Variants in ADAMTSL1 observed in about 807,000 individuals in gnomAD.
The protein encoded by ADAMTSL1 is ADAMTS-like protein 1.
A neutral mutation model predicts 201.8 loss-of-function variants in ADAMTSL1; 126 were observed. The ratio of observed to expected loss-of-function variants is 0.62; its 90% CI spans 0.54 to 0.72. The LOEUF (loss-of-function observed/expected upper bound fraction) is 0.72, where lower values mean the gene tolerates loss of function less well. Ranked by LOEUF, ADAMTSL1 falls within the 30% of genes least tolerant of loss-of-function variation. ADAMTSL1 has a pLI of 0.00. For synonymous variants in ADAMTSL1, 1,121 were observed against 903.4 expected (o/e 1.24, Z -4.32); for missense variants, 2,679 against 2,277.8 (o/e 1.18, Z -3.59).
chr9:18,098,032 A>AT lies in ADAMTSL1; in HGVS notation c.88-65822dup, dbSNP rs201890454. On this transcript the variant is annotated intron_variant, in intron 1 of 29. Coordinates refer to the ADAMTSL1 transcript ENST00000680146. ...CAATGTAAATTGGAGATCAAGGCTTATTTTTTTTCCAGATTGATATGCAGT... is the reference window on the plus strand; with the variant it reads ...CAATGTAAATTGGAGATCAAGGCTTATTTTTTTTTCCAGATTGATATGCAGT... Among the ~76,000 whole-genome samples, 1,492 of 151,732 alleles carry AT rather than the reference A, an allele frequency of 9.8e-3. 18 individuals are homozygous for AT. The highest frequency in any genetic ancestry group is 0.034 in the African/African-American group (1,426 of 41,450).
At chr9:18,620,448 T>C (rs1825971730) in intron 4 of ADAMTSL1, among the ~76,000 whole-genome samples, 1 of 152,140 alleles carries the variant, frequency 6.6e-6, no homozygotes. Context: ...ACCTAACCGG[T>C]TAAATGAATT....
At chr9:18,452,883 C>A (rs75842945) in intron 2 of ADAMTSL1, among the ~76,000 whole-genome samples, 12,000 of 152,304 alleles carry the variant, frequency 0.079, 644 homozygotes, top group Non-Finnish European at 0.12. Context: ...GTTGGAGCCC[C>A]AGGCCTACAG....
At chr9:18,160,042 C>T (rs1037174056) in intron 1 of ADAMTSL1, among the ~76,000 whole-genome samples, 8 of 152,142 alleles carry the variant, frequency 5.3e-5, no homozygotes, top group Non-Finnish European at 1.2e-4. Flanking sequence ...ATTGATCAAT[C>T]AGTCCCATTC....
intron 1 of ADAMTSL1, among the ~76,000 whole-genome samples, chr9:17,935,218 G>C (rs576975210): frequency 6.6e-6 from 1 of 152,028 alleles, no homozygotes; most frequent in East Asian, 1.9e-4. Flanking sequence ...CCTCTTCCTG[G>C]AAGTCTTTGA....
rs895453595 is a variant in ADAMTSL1, at chr9:18,253,468, T to C, written c.207+89487T>C. ...AAGATAGTGTAAAAAACTAGGCCTA[T>C]ATTTCTTTTCTAAAAATAGAATGAA... On this transcript the variant is annotated intron_variant, in intron 2 of 29. Coordinates refer to the ADAMTSL1 transcript ENST00000680146. Among the ~76,000 whole-genome samples, 13 of 152,222 alleles carry C rather than the reference T, an allele frequency of 8.5e-5. 1 individual carries two copies. Among genetic ancestry groups the C allele is most frequent in the Admixed American group, 6.5e-4 (10 of 15,290 alleles).
intron 10 of ADAMTSL1, among the ~76,000 whole-genome samples, chr9:18,679,910 T>C (rs1307854107): frequency 6.6e-6 from 1 of 152,202 alleles, no homozygotes; most frequent in Non-Finnish European, 1.5e-5. Context: ...ACCATTAGTG[T>C]TAACTGAGTA....
chr9:18,109,398 G>T (rs187320687), intron 1 of ADAMTSL1, among the ~76,000 whole-genome samples: 1 of 152,098 alleles, frequency 6.6e-6, no homozygotes, highest in African/African-American at 2.4e-5. Flanking sequence ...GCTGACTGCA[G>T]TACTTCTGTG....
intron 2 of ADAMTSL1, among the ~76,000 whole-genome samples, chr9:18,520,821 A>C (rs1052370356): frequency 2.2e-4 from 33 of 152,358 alleles, no homozygotes; most frequent in South Asian, 1.0e-3. Flanking sequence ...TATTCAAAAA[A>C]AAAATTAATC....
chr9:17,993,314 A>G (rs1819240115), intron 1 of ADAMTSL1, among the ~76,000 whole-genome samples: 1 of 152,172 alleles, frequency 6.6e-6, no homozygotes, highest in African/African-American at 2.4e-5. Context: ...TTGATCATGA[A>G]TGTTTTTCTT....
chr9:17,950,456 G>A (rs1827689902), intron 1 of ADAMTSL1, among the ~76,000 whole-genome samples: 2 of 151,610 alleles, frequency 1.3e-5, no homozygotes, highest in African/African-American at 4.8e-5. Flanking sequence ...AATTTCATGA[G>A]TTTCCTTCCA....
chr9:18,761,674 T>C (rs35284815), intron 16 of ADAMTSL1, among the ~76,000 whole-genome samples: 24,240 of 152,212 alleles, frequency 0.16, 2,134 homozygotes, highest in East Asian at 0.2. Flanking sequence ...GCATAAGAAC[T>C]GTTGGCCTCA....
chr9:18,229,051 A>G (rs1332569778), intron 2 of ADAMTSL1, among the ~76,000 whole-genome samples: 1 of 152,086 alleles, frequency 6.6e-6, no homozygotes, highest in Non-Finnish European at 1.5e-5. Context: ...TAACATGGGT[A>G]ATTATATAGC....
intron 2 of ADAMTSL1, among the ~76,000 whole-genome samples, chr9:18,261,714 G>A (rs1039467816): frequency 1.2e-4 from 19 of 152,166 alleles, no homozygotes; most frequent in Admixed American, 1.0e-3. Flanking sequence ...TGTAGCTGCT[G>A]TGGGCTTACA....
intron 2 of ADAMTSL1, among the ~76,000 whole-genome samples, chr9:18,193,282 T>A (rs574640918): frequency 6.6e-6 from 1 of 152,076 alleles, no homozygotes; most frequent in East Asian, 1.9e-4. Context: ...GAGATCAACA[T>A]AGAATGCAAG....
At chr9:18,588,884 CATAT>C (rs754566534) in intron 4 of ADAMTSL1, among the ~76,000 whole-genome samples, 4 of 122,854 alleles carry the variant, frequency 3.3e-5, no homozygotes, top group South Asian at 2.6e-4. Flanking sequence ...TATACATATA[CATAT>C]ATATATATAT....
In ADAMTSL1 at chr9:18,770,645, T is replaced by C; in HGVS notation, c.2261T>C (p.Leu754Pro). The C allele has an allele frequency of 6.2e-7, 1 of 1,613,594 alleles. No individual in the cohort carries two copies. The highest frequency in any genetic ancestry group is 8.5e-7 in the Non-Finnish European group (1 of 1,179,798). The change falls in exon 17 of 29, where the codon CTT becomes CCT. Residue 754 changes from leucine to proline, a missense_variant. Coordinates refer to ENST00000380548, the MANE Select transcript of ADAMTSL1 (RefSeq NM_001040272.6). ...CGGGVQKREV[L>P]CKQRMADGSF... ...GGGGGTGTTCAGAAACGTGAGGTTC[T>C]TTGCAAGCAGCGCATGGCTGATGGC...
intron 2 of ADAMTSL1, among the ~76,000 whole-genome samples, chr9:18,198,300 C>A (rs1270845920): frequency 6.7e-6 from 1 of 149,448 alleles, no homozygotes; most frequent in African/African-American, 2.5e-5. Flanking sequence ...GCAAAAGAAA[C>A]TACCATCAGA....
intron 13 of ADAMTSL1, among the ~76,000 whole-genome samples, chr9:18,693,327 A>T (rs953338259): frequency 3.7e-4 from 56 of 152,242 alleles, no homozygotes; most frequent in Non-Finnish European, 6.9e-4. Flanking sequence ...CTCAAGCTAC[A>T]TGACTATCTA....
chr9:18,061,142 A>C (rs6475196), intron 1 of ADAMTSL1, among the ~76,000 whole-genome samples: 87,062 of 152,002 alleles, frequency 0.57, 25,471 homozygotes, highest in African/African-American at 0.63. Flanking sequence ...GGATAGAAAA[A>C]AGAGCCATGA....
Sources: allele counts gnomAD v4.1 joint callset (sites outside exome capture counted in the v4.1 genomes callset), GRCh38; gene constraint gnomAD v4.1.1; transcripts MANE v1.5; gene names NCBI Gene and HGNC (gene_info 2026-07-23, HGNC 2026-07-21).